PDZRN3: variants seen among roughly 807,000 people sequenced by gnomAD.
PDZRN3 encodes the protein E3 ubiquitin-protein ligase PDZRN3.
In PDZRN3, 38 loss-of-function variants were observed where a neutral mutation model predicts 85.7. The observed-to-expected ratio is 0.44, with a 90% CI of 0.34 to 0.58. The LOEUF is 0.58. PDZRN3 is among the 20% of genes least tolerant of loss of function. PDZRN3 has a pLI of 0.01. For synonymous variants in PDZRN3, 759 were observed against 638.0 expected, an observed-to-expected ratio of 1.19 and a Z score of -2.86; for missense variants, 1,629 against 1,506.4, an observed-to-expected ratio of 1.08 and a Z score of -1.35.
At chr3:73,522,233 C>T (rs1704385169) in intron 3 of PDZRN3, among the ~76,000 whole-genome samples, 1 of 152,020 alleles carries the variant, frequency 6.6e-6, no homozygotes, top group Non-Finnish European at 1.5e-5. Context: ...GTATGCTGGC[C>T]CCTGATCGAC....
At chr3:73,487,986 T>C (rs1450075934) in intron 3 of PDZRN3, among the ~76,000 whole-genome samples, 1 of 152,170 alleles carries the variant, frequency 6.6e-6, no homozygotes, top group African/African-American at 2.4e-5. Flanking sequence ...TGTGGGCTGA[T>C]ATTCCCCAAT....
chr3:73,449,624 G>A (rs930716048), intron 3 of PDZRN3, among the ~76,000 whole-genome samples: 1 of 152,126 alleles, frequency 6.6e-6, no homozygotes, highest in Admixed American at 6.5e-5. Context: ...AGCGAACAAC[G>A]CGTGTAAAAT....
chr3:73,608,204 A>G (rs1025127195), intron 2 of PDZRN3, among the ~76,000 whole-genome samples: 1 of 152,182 alleles, frequency 6.6e-6, no homozygotes, highest in Non-Finnish European at 1.5e-5. Context: ...GACAGAGCAG[A>G]ACTCAAGATC....
intron 3 of PDZRN3, among the ~76,000 whole-genome samples, chr3:73,555,897 A>C (rs1340444122): frequency 6.6e-6 from 1 of 152,246 alleles, no homozygotes; most frequent in Non-Finnish European, 1.5e-5. Flanking sequence ...GTTCTTACAC[A>C]CATAAATTCA....
chr3:73,450,380 G>C (rs560117051), intron 3 of PDZRN3, among the ~76,000 whole-genome samples: 3 of 152,334 alleles, frequency 2.0e-5, no homozygotes, highest in African/African-American at 7.2e-5. Context: ...GCTCATGGAT[G>C]TGCAGATTGG....
intron 3 of PDZRN3, among the ~76,000 whole-genome samples, chr3:73,541,992 A>G (rs1182989874): frequency 2.6e-5 from 4 of 152,194 alleles, no homozygotes; most frequent in Non-Finnish European, 2.9e-5. Context: ...AATATTCTAG[A>G]CCCCGAGCTA....
Position 73,383,404 on chromosome 3 carries a change from A to T in PDZRN3, c.3162T>A (p.Thr1054=). 6.2e-7 allele frequency: 1 copy of T among 1,613,672 alleles called. No individual in the cohort carries two copies. Among genetic ancestry groups the T allele is most frequent in the Non-Finnish European group, 8.5e-7 (1 of 1,179,654 alleles). ...CCGATAGGAAGGAATTGTATACTCT[A>T]GTGCCGTCCGGGGATTTTGTGCCGT... ...LTHGTKSPDG[T]RVYNSFLSVT... is the part of the protein sequence containing the mutation. Residue 1054 remains threonine, a synonymous_variant, in exon 10 of 10, where the codon ACT becomes ACA. Coordinates refer to ENST00000263666, the MANE Select transcript of PDZRN3 (RefSeq NM_015009.3).
chr3:73,586,797 C>T (rs1226202729), intron 3 of PDZRN3, among the ~76,000 whole-genome samples: 2 of 152,216 alleles, frequency 1.3e-5, no homozygotes, highest in Non-Finnish European at 2.9e-5. Context: ...CAAAGCTACA[C>T]ACTTAGAAAT....
rs533654585 is a variant in PDZRN3 at position 73,404,561 on chromosome 3, G to T, written c.919-166C>A. 94 of 652,248 alleles carry T rather than the reference G, an allele frequency of 1.4e-4. No homozygotes were observed. The African/African-American group carries it at 1.5e-3, about 10-fold the overall frequency. 40.4% of individuals were successfully genotyped at this position (652,248 alleles called of 1,614,324 possible). On this transcript the variant is annotated intron_variant, in intron 3 of 9. Transcript: ENST00000263666. Reference sequence around the variant, plus strand: ...GTTTAGGTTTCCCGAAGAATGCCTGGTGGAAAGAGAGTGAGTTTGGAGGTA... The same window carrying T: ...GTTTAGGTTTCCCGAAGAATGCCTGTTGGAAAGAGAGTGAGTTTGGAGGTA...
chr3:73,442,934 C>T lies in PDZRN3; in HGVS notation c.919-38539G>A, dbSNP rs150430587. Reference sequence around the variant, plus strand: ...TAAAGGACAATATAAAACAGAAGAGCCTTGGTATAAGATCAGAGGCAGAGA... The same window carrying T: ...TAAAGGACAATATAAAACAGAAGAGTCTTGGTATAAGATCAGAGGCAGAGA... On this transcript the variant is annotated intron_variant, in intron 3 of 9. Coordinates refer to ENST00000263666, the MANE Select transcript of PDZRN3 (RefSeq NM_015009.3). Among the ~76,000 whole-genome samples, 951 of 152,150 alleles carry T rather than the reference C, an allele frequency of 6.3e-3. 5 individuals carry two copies. Among genetic ancestry groups the T allele is most frequent in the African/African-American group, 0.022 (906 of 41,500 alleles).
chr3:73,582,298 C>T (rs1490320315), intron 3 of PDZRN3, among the ~76,000 whole-genome samples: 1 of 151,934 alleles, frequency 6.6e-6, no homozygotes, highest in Non-Finnish European at 1.5e-5. Context: ...ATTGTGGCAA[C>T]TCCACAAAAC....
intron 3 of PDZRN3, among the ~76,000 whole-genome samples, chr3:73,568,729 G>A (rs1701993963): frequency 6.6e-6 from 1 of 152,174 alleles, no homozygotes; most frequent in Non-Finnish European, 1.5e-5. Context: ...TCTTTTTATA[G>A]CCCTACCTTC....
At chr3:73,484,877 C>G (rs1343034353) in intron 3 of PDZRN3, among the ~76,000 whole-genome samples, 1 of 152,102 alleles carries the variant, frequency 6.6e-6, no homozygotes, top group Non-Finnish European at 1.5e-5. Context: ...TAAAGGAGGC[C>G]TGGGCTTTCT....
At chr3:73,543,196 G>T (rs536137311) in intron 3 of PDZRN3, among the ~76,000 whole-genome samples, 1 of 152,356 alleles carries the variant, frequency 6.6e-6, no homozygotes, top group East Asian at 1.9e-4. Flanking sequence ...AGGGGACAAA[G>T]GATTTGGTTT....
chr3:73,565,403 C>A (rs1282210128), intron 3 of PDZRN3, among the ~76,000 whole-genome samples: 1 of 152,010 alleles, frequency 6.6e-6, no homozygotes, highest in Non-Finnish European at 1.5e-5. Flanking sequence ...GCTGGGATTA[C>A]AGGTGTGCAC....
At chr3:73,506,117 T>C (rs1310935697) in intron 3 of PDZRN3, among the ~76,000 whole-genome samples, 1 of 152,110 alleles carries the variant, frequency 6.6e-6, no homozygotes, top group Non-Finnish European at 1.5e-5. Context: ...TGAGATAAAA[T>C]ACACAAGATA....
chr3:73,507,516 C>T lies in PDZRN3; in HGVS notation c.918+94838G>A, dbSNP rs527944292. Among the ~76,000 whole-genome samples the T allele has an allele frequency of 8.1e-4, 124 of 152,262 alleles. 1 individual carries two copies. The highest frequency in any genetic ancestry group is 2.9e-3 in the African/African-American group (119 of 41,562). ...ACCCCCTCATGAAGCACACGTAAGG[C>T]ATAGGTATTTTTCTGTATTGTGAGA... On this transcript the variant is annotated intron_variant, in intron 3 of 9. Coordinates refer to ENST00000263666, the MANE Select transcript of PDZRN3 (RefSeq NM_015009.3).
chr3:73,485,808 C>A (rs1247268259), intron 3 of PDZRN3, among the ~76,000 whole-genome samples: 1 of 152,182 alleles, frequency 6.6e-6, no homozygotes. Context: ...GTTAGCCTAT[C>A]CATCTCCACT....
chr3:73,458,906 C>T (rs748304257), intron 3 of PDZRN3, among the ~76,000 whole-genome samples: 1 of 150,452 alleles, frequency 6.6e-6, no homozygotes, highest in Non-Finnish European at 1.5e-5. Context: ...ACAGGAGAAT[C>T]GATTCAACCC....
Sources: allele counts gnomAD v4.1 joint callset (sites outside exome capture counted in the v4.1 genomes callset), GRCh38; gene constraint gnomAD v4.1.1; transcripts MANE v1.5; gene names NCBI Gene and HGNC (gene_info 2026-07-23, HGNC 2026-07-21).